VPS13C: variants seen among roughly 807,000 people sequenced by gnomAD.
VPS13C encodes vacuolar protein sorting 13 homolog C.
VPS13C carries 358 observed loss-of-function variants against 456.8 expected under a neutral mutation model. That is an observed-to-expected ratio of 0.78 (90% confidence interval 0.72 to 0.86). The LOEUF (loss-of-function observed/expected upper bound fraction) is 0.86, where lower values mean the gene tolerates loss of function less well. Among genes scored for constraint, VPS13C ranks in the 40% least tolerant of loss-of-function variants. VPS13C has a pLI of 0.00. For missense variants in VPS13C, 4,818 were observed against 4,385.4 expected (o/e 1.10, Z -2.79); for synonymous variants, 1,578 against 1,486.7 (o/e 1.06, Z -1.41).
intron 64 of VPS13C, 79 bp from the exon 65 acceptor site, chr15:61,909,204 A>G (rs1230584732): frequency 6.4e-7 from 1 of 1,554,252 alleles, no homozygotes. Context: ...TATTACGTAA[A>G]ACACAAAAGC....
rs536413510 is a variant in VPS13C at position 62,018,836 on chromosome 15, T to G, written c.684+1643A>C. 1.9e-3 allele frequency among the ~76,000 whole-genome samples: 291 copies of G among 152,304 alleles called. 2 individuals carry two copies. The highest frequency in any genetic ancestry group is 9.3e-4 in the Non-Finnish European group (63 of 68,020). ...TAGGGAGGATTCCCTCTTTTTCTAT[T>G]GATTGGAATAGTTTCAGAAGGAATG... On this transcript the variant is annotated intron_variant, in intron 9 of 84. Coordinates refer to ENST00000644861, the MANE Select transcript of VPS13C (RefSeq NM_020821.3).
intron 9 of VPS13C, among the ~76,000 whole-genome samples, chr15:62,019,338 A>AT: frequency 6.6e-6 from 1 of 151,918 alleles, no homozygotes; most frequent in Non-Finnish European, 1.5e-5. Context: ...TAGCTTTTGA[A>AT]TGTGTTTGCT....
At chr15:61,932,384 A>C (rs1596348197) in intron 49 of VPS13C, among the ~76,000 whole-genome samples, 1 of 152,218 alleles carries the variant, frequency 6.6e-6, no homozygotes, top group East Asian at 1.9e-4. Context: ...TGGTAGGGAA[A>C]AAACTAGAAA....
chr15:61,908,558 C>CA (rs1419032508), intron 65 of VPS13C, among the ~76,000 whole-genome samples: 1 of 151,908 alleles, frequency 6.6e-6, no homozygotes, highest in Non-Finnish European at 1.5e-5. Context: ...TATCCCTACC[C>CA]AAAAAAACTA....
At chr15:61,854,773 G>T in intron 84 of VPS13C, 98 bp downstream of exon 84, 2 of 1,178,698 alleles carry the variant, frequency 1.7e-6, no homozygotes, top group Non-Finnish European at 2.4e-6. Context: ...AGTTATATTT[G>T]GGAGAGCTTT....
intron 15 of VPS13C, among the ~76,000 whole-genome samples, chr15:62,002,825 G>A (rs2046679465): frequency 6.6e-6 from 1 of 152,172 alleles, no homozygotes; most frequent in Non-Finnish European, 1.5e-5. Flanking sequence ...AGATCAGATA[G>A]TTGTAGATAC....
At chr15:61,865,586 ATGTG>A (rs201892206) in intron 81 of VPS13C, 2 of 674,706 alleles carry the variant, frequency 3.0e-6, no homozygotes, top group Non-Finnish European at 3.7e-6. Flanking sequence ...ATGTGTGTAT[ATGTG>A]TGTGTATATA....
intron 27 of VPS13C, among the ~76,000 whole-genome samples, chr15:61,971,769 T>C (rs2045563884): frequency 6.6e-6 from 1 of 152,218 alleles, no homozygotes; most frequent in Non-Finnish European, 1.5e-5. Context: ...GGATGTAGTA[T>C]GGAGAAAGAG....
In VPS13C at chr15:61,910,290, GC is replaced by G; in HGVS notation, c.8730del (p.Trp2910CysfsTer11). 6.6e-7 allele frequency: 1 copy of G among 1,519,216 alleles called. No individual in the cohort carries two copies. The highest frequency in any genetic ancestry group is 8.9e-7 in the Non-Finnish European group (1 of 1,127,614). 94.1% of individuals were successfully genotyped at this position (1,519,216 alleles called of 1,614,324 possible). On this transcript the variant is annotated frameshift_variant, in exon 64 of 85. Coordinates refer to ENST00000644861, the MANE Select transcript of VPS13C (RefSeq NM_020821.3). LOFTEE classifies it high-confidence loss of function. ...YIASSECLPF[W>X]PESLSGKLCV... ...CAAAGTTTGCCTGACAAACTTTCTGGCCAAAATGGAAGGCACTAAAAATATA... is the reference window on the plus strand; with the variant it reads ...CAAAGTTTGCCTGACAAACTTTCTGGCAAAATGGAAGGCACTAAAAATATA...
rs1193096317 is a variant in VPS13C, at chr15:62,007,353, C to G, written c.1245G>C (p.Lys415Asn). The G allele has an allele frequency of 6.2e-7, 1 of 1,612,232 alleles. No homozygotes were observed. The highest frequency in any genetic ancestry group is 1.1e-5 in the South Asian group (1 of 90,606). Residue 415 changes from lysine to asparagine, a missense_variant, in exon 15 of 85, where the codon AAG (lysine) becomes AAC (asparagine). Transcript: ENST00000644861. ...LKSYKIAYKN[K>N]LTQSKVSEEI... ...CTTCTGAGACTTTAGACTGTGTTAA[C>G]TTGTTTTTGTAGGCAATTTTATAAC...
intron 1 of VPS13C, among the ~76,000 whole-genome samples, chr15:62,046,397 A>G (rs942879421): frequency 1.2e-4 from 18 of 152,218 alleles, no homozygotes; most frequent in Admixed American, 1.2e-3. Context: ...CTTACGTATT[A>G]TATATGCACT....
chr15:61,856,736 G>A, intron 82 of VPS13C: 1 of 194,564 alleles, frequency 5.1e-6, no homozygotes, highest in Non-Finnish European at 9.4e-6. Context: ...AGCTGATAGG[G>A]AAATCATCTT....
At chr15:62,058,929 C>CA (rs10536013) in intron 1 of VPS13C, among the ~76,000 whole-genome samples, 53 of 141,842 alleles carry the variant, frequency 3.7e-4, no homozygotes, top group East Asian at 6.2e-4. Flanking sequence ...AAAGACAAGC[C>CA]AAAAAAAAAA....
Position 61,911,963 on chromosome 15 carries a change from TC to T in VPS13C, c.8591del (p.Arg2864GlnfsTer2). 1 of 1,611,248 alleles carries T rather than the reference TC, an allele frequency of 6.2e-7. No individual in the cohort carries two copies. The highest frequency in any genetic ancestry group is 8.5e-7 in the Non-Finnish European group (1 of 1,178,578). ...SIKMSSFNLSRIVTLTPFCTI... is the reference protein window; with the variant it reads ...SIKMSSFNLSXIVTLTPFCTI... The stretch of plus-strand genomic sequence containing the variant: ...TACAAAAGGGAGTCAGGGTAACTAT[TC>T]GTGAAAGGTTGAAACTGCTCATTTT... On this transcript the variant is annotated frameshift_variant, in exon 63 of 85. Transcript: ENST00000644861. LOFTEE classifies it high-confidence loss of function.
At chr15:62,040,469 A>T (rs2140705801) in intron 3 of VPS13C, among the ~76,000 whole-genome samples, 1 of 152,268 alleles carries the variant, frequency 6.6e-6, no homozygotes, top group East Asian at 1.9e-4. Context: ...TGTACCCCAT[A>T]AATATATATA....
Position 61,920,551 on chromosome 15 carries a change from T to C in VPS13C, c.7159A>G (p.Met2387Val). The C allele has an allele frequency of 2.5e-6, 4 of 1,578,836 alleles. No homozygotes were observed. The highest frequency in any genetic ancestry group is 1.2e-5 in the South Asian group (1 of 83,632). Residue 2387 changes from methionine to valine, a missense_variant, in exon 56 of 85, where the codon ATG (methionine) becomes GTG (valine). Transcript: ENST00000644861. ...CAACTTTTGGATATTGTTATATTCA[T>C]TGTATTTCCTGAAGAAATATGAATT... ...MAIHISSGNT[M>V]NITISKSCLN... is the part of the protein sequence containing the mutation.
chr15:61,962,344 AAATC>A (rs1375724969), intron 34 of VPS13C, 23 bp downstream of exon 34: 1 of 1,548,572 alleles, frequency 6.5e-7, no homozygotes, highest in East Asian at 2.3e-5. Context: ...CAAAGTTGAA[AAATC>A]AATATACAAA....
chr15:61,867,663 TTCATCTATTA>T lies in VPS13C; in HGVS notation c.10863+986_10863+995del. On this transcript the variant is annotated intron_variant, in intron 81 of 84. Coordinates refer to ENST00000644861, the MANE Select transcript of VPS13C (RefSeq NM_020821.3). This position sits in a 1 kb window ranked among gnomAD's most constrained non-coding sequence, Gnocchi z 5.0. The stretch of plus-strand genomic sequence containing the variant: ...TCTGCTTCTGAGCTCAATAAAGGCT[TTCATCTATTA>T]AACGCAGAAGAGAGCTGATTCTCTG... 1 of 1,245,844 alleles carries T rather than the reference TTCATCTATTA, an allele frequency of 8.0e-7. No homozygotes were observed. The highest frequency in any genetic ancestry group is 1.0e-6 in the Non-Finnish European group (1 of 991,970). The allele number at this position is 1,245,844 out of a possible 1,614,324, so 77.2% of individuals were successfully genotyped here. A position where few individuals can be genotyped will look rare whatever the true frequency, so the allele number is the denominator to read the frequency against.
At chr15:61,939,970 G>C (rs1433690905) in intron 47 of VPS13C, among the ~76,000 whole-genome samples, 1 of 150,770 alleles carries the variant, frequency 6.6e-6, no homozygotes, top group Non-Finnish European at 1.5e-5. Context: ...CTCCAGCCTA[G>C]GCCACAGAGC....
Sources: allele counts gnomAD v4.1 joint callset (sites outside exome capture counted in the v4.1 genomes callset), GRCh38; gene constraint gnomAD v4.1.1; non-coding constraint Gnocchi (gnomAD v3.1); transcripts MANE v1.5; gene names NCBI Gene and HGNC (gene_info 2026-07-23, HGNC 2026-07-21).